CERS6: variants seen among roughly 807,000 people sequenced by gnomAD.
The protein encoded by CERS6 is LAG1 homolog, ceramide synthase 6.
In CERS6, 26 loss-of-function variants were observed where a neutral mutation model predicts 56.8. That is an observed-to-expected ratio of 0.46 (90% CI 0.34 to 0.63). The LOEUF is 0.63. Ranked by LOEUF, CERS6 falls within the 30% of genes least tolerant of loss-of-function variation. CERS6 has a pLI of 0.01. For synonymous variants in CERS6, 164 were observed against 173.3 expected, an observed-to-expected ratio of 0.95 and a Z score of 0.42; for missense variants, 415 against 467.5, an observed-to-expected ratio of 0.89 and a Z score of 1.04.
chr2:168,513,974 T>TA (rs1694842443), intron 1 of CERS6, among the ~76,000 whole-genome samples: 1 of 152,050 alleles, frequency 6.6e-6, no homozygotes, highest in South Asian at 2.1e-4. Context: ...ATGCCCAAAA[T>TA]ACAAAGTGAA....
At chr2:168,607,093 T>C (rs1329268641) in intron 3 of CERS6, among the ~76,000 whole-genome samples, 1 of 152,108 alleles carries the variant, frequency 6.6e-6, no homozygotes, top group East Asian at 1.9e-4. Flanking sequence ...AATGGACTAT[T>C]ACAATGGGTT....
At chr2:168,571,829 ACT>A (rs1274370929) in intron 3 of CERS6, among the ~76,000 whole-genome samples, 1 of 152,044 alleles carries the variant, frequency 6.6e-6, no homozygotes, top group Non-Finnish European at 1.5e-5. Flanking sequence ...ATCCAATTAT[ACT>A]CTTTTAATTA....
intron 8 of CERS6, among the ~76,000 whole-genome samples, chr2:168,742,539 G>T (rs972970755): frequency 1.3e-5 from 2 of 152,192 alleles, no homozygotes; most frequent in African/African-American, 2.4e-5. Context: ...TGCCTTGGCA[G>T]ATCCAAAGCA....
chr2:168,575,391 G>A (rs941691093), intron 3 of CERS6, among the ~76,000 whole-genome samples: 4 of 152,018 alleles, frequency 2.6e-5, no homozygotes, highest in Non-Finnish European at 4.4e-5. Flanking sequence ...AGGCAGGCAC[G>A]TCTTACATGG....
At chr2:168,637,684 C>G (rs1298377129) in intron 4 of CERS6, among the ~76,000 whole-genome samples, 1 of 151,976 alleles carries the variant, frequency 6.6e-6, no homozygotes, top group Non-Finnish European at 1.5e-5. Context: ...ATCAAAGTGA[C>G]AAAATGACAT....
chr2:168,460,613 G>A (rs1456094729), intron 1 of CERS6, among the ~76,000 whole-genome samples: 1 of 152,134 alleles, frequency 6.6e-6, no homozygotes, highest in African/African-American at 2.4e-5. Context: ...GCTCCAAAAA[G>A]CTACAGTATT....
In CERS6 at chr2:168,578,907, A is replaced by G. The variant is rs573600080; in HGVS notation, c.407+17585A>G. On this transcript the variant is annotated intron_variant, in intron 3 of 9. Coordinates refer to ENST00000305747, the MANE Select transcript of CERS6 (RefSeq NM_203463.3). ...ATTATTAAATGTCTCTGTTTACAAG[A>G]TATGATTTCATGGCTGAACTCAAAT... Among the ~76,000 whole-genome samples the G allele has an allele frequency of 2.0e-5, 3 of 152,314 alleles. No homozygotes were observed. In the East Asian group the frequency reaches 5.8e-4, roughly 29 times the overall value.
intron 1 of CERS6, among the ~76,000 whole-genome samples, chr2:168,475,605 A>C (rs1028382272): frequency 1.3e-5 from 2 of 152,200 alleles, no homozygotes; most frequent in Admixed American, 6.5e-5. Context: ...GTGAAAAAGG[A>C]GTGATTATAT....
rs544431752 is a variant in CERS6 at position 168,547,372 on chromosome 2, T to A, written c.171-224T>A. 1.6e-4 allele frequency among the ~76,000 whole-genome samples: 24 copies of A among 152,332 alleles called. No individual in the cohort carries two copies. The East Asian group carries it at 3.5e-3, about 22-fold the overall frequency. On this transcript the variant is annotated intron_variant, in intron 1 of 9. Transcript: ENST00000305747. The stretch of plus-strand genomic sequence containing the variant: ...GAACTTGAGGATTGGAGGGTTTAAA[T>A]GTTTTAAAAGGATTTCTTTTTTAAT...
intron 4 of CERS6, among the ~76,000 whole-genome samples, chr2:168,649,151 A>T (rs1266767555): frequency 6.6e-6 from 1 of 152,188 alleles, no homozygotes. Context: ...GGGCTTCCTC[A>T]GCATACTGCC....
At chr2:168,622,208 A>G (rs2105285176) in intron 3 of CERS6, among the ~76,000 whole-genome samples, 1 of 152,310 alleles carries the variant, frequency 6.6e-6, no homozygotes, top group East Asian at 1.9e-4. Flanking sequence ...AAGAAGAAGA[A>G]TTGTCTTGGG....
rs139240048 is a variant in CERS6, at chr2:168,688,050, C to A, written c.466-2984C>A. Among the ~76,000 whole-genome samples, 574 of 152,202 alleles carry A rather than the reference C, an allele frequency of 3.8e-3. 4 individuals are homozygous for A. The highest frequency in any genetic ancestry group is 0.013 in the African/African-American group (546 of 41,546). On this transcript the variant is annotated intron_variant, in intron 4 of 9. Transcript: ENST00000305747. ...CCAACCTTGATAAACTTCCTTGATG[C>A]TGTAACGTCATGTGAAAAAGGCATT... is the stretch of plus-strand genomic sequence containing the variant.
intron 8 of CERS6, among the ~76,000 whole-genome samples, chr2:168,728,609 A>G (rs1385548219): frequency 6.6e-6 from 1 of 150,924 alleles, no homozygotes; most frequent in Non-Finnish European, 1.5e-5. Context: ...CTGGTCTCGA[A>G]CTCCTGACCT....
At chr2:168,684,111 G>A (rs1214350574) in intron 4 of CERS6, among the ~76,000 whole-genome samples, 1 of 152,146 alleles carries the variant, frequency 6.6e-6, no homozygotes, top group Non-Finnish European at 1.5e-5. Flanking sequence ...TGCTAGACCA[G>A]GTCTAGAGGA....
chr2:168,743,995 C>CTTTTTTTT (rs58256507), intron 8 of CERS6, among the ~76,000 whole-genome samples: 41 of 63,378 alleles, frequency 6.5e-4, no homozygotes, highest in Non-Finnish European at 7.4e-4. Flanking sequence ...TCTTTTTTTT[C>CTTTTTTTT]TTTTTTTTTT....
At chr2:168,512,913 A>G (rs1694814713) in intron 1 of CERS6, among the ~76,000 whole-genome samples, 1 of 151,524 alleles carries the variant, frequency 6.6e-6, no homozygotes, top group Non-Finnish European at 1.5e-5. Flanking sequence ...TGATCCTCCC[A>G]CCTCGGCCTC....
chr2:168,747,782 C>G (rs527714048), intron 8 of CERS6, among the ~76,000 whole-genome samples: 1 of 152,022 alleles, frequency 6.6e-6, no homozygotes, highest in Non-Finnish European at 1.5e-5. Flanking sequence ...CCCCCAGTTG[C>G]ACTCACCGTT....
At chr2:168,532,552 A>T (rs1423187755) in intron 1 of CERS6, among the ~76,000 whole-genome samples, 1 of 151,842 alleles carries the variant, frequency 6.6e-6, no homozygotes, top group Non-Finnish European at 1.5e-5. Flanking sequence ...TGTCTCAGTC[A>T]CAGTGTAGCC....
At chr2:168,513,952 C>G (rs545811059) in intron 1 of CERS6, among the ~76,000 whole-genome samples, 1 of 152,146 alleles carries the variant, frequency 6.6e-6, no homozygotes, top group Non-Finnish European at 1.5e-5. Flanking sequence ...CTGCTGCTCC[C>G]TAGGAAGTGT....
Sources: gnomAD v4.1 joint callset for allele counts (sites outside exome capture counted in the v4.1 genomes callset) on GRCh38, gnomAD v4.1.1 for gene constraint, MANE v1.5 for transcripts, NCBI Gene and HGNC (gene_info 2026-07-23, HGNC 2026-07-21) for gene names.